Variants in PRLR observed in about 807,000 individuals in gnomAD.
PRLR encodes prolactin receptor, also known as hPRL receptor.
PRLR carries 13 observed loss-of-function variants against 40.2 expected under a neutral mutation model. The ratio of observed to expected loss-of-function variants is 0.32; its 90% CI spans 0.21 to 0.51. PRLR has a LOEUF of 0.51. PRLR is among the 20% of genes least tolerant of loss of function. PRLR has a pLI of 0.97. For missense variants in PRLR, 656 were observed against 747.3 expected, an observed-to-expected ratio of 0.88 and a Z score of 1.42; for synonymous variants, 269 against 278.7, an observed-to-expected ratio of 0.97 and a Z score of 0.35.
Position 35,065,443 on chromosome 5 carries a change from T to G in PRLR, c.1515A>C (p.Lys505Asn). Reference protein sequence around the residue: ...PQEKTPFGSAKPLDYVEIHKV... With the variant: ...PQEKTPFGSANPLDYVEIHKV... Reference sequence around the variant, plus strand: ...TGTGAATCTCCACATAATCCAAGGGTTTAGCGGAGCCAAAGGGGGTTTTCT... The same window carrying G: ...TGTGAATCTCCACATAATCCAAGGGGTTAGCGGAGCCAAAGGGGGTTTTCT... The change falls in exon 10 of 10, where the codon AAA becomes AAC. Residue 505 changes from lysine to asparagine, a missense_variant. By Grantham distance (94) the Lys-to-Asn change is moderately conservative. Coordinates refer to ENST00000618457, the MANE Select transcript of PRLR (RefSeq NM_000949.7). 6.2e-7 allele frequency: 1 copy of G among 1,613,948 alleles called. No individual in the cohort carries two copies.
At chr5:35,166,025 C>G (rs1774816135) in intron 1 of PRLR, among the ~76,000 whole-genome samples, 1 of 152,120 alleles carries the variant, frequency 6.6e-6, no homozygotes, top group African/African-American at 2.4e-5. Flanking sequence ...CTTAACTACA[C>G]ATAGGTCCAT....
intron 2 of PRLR, among the ~76,000 whole-genome samples, chr5:35,092,055 T>C (rs1030485516): frequency 2.0e-5 from 3 of 151,984 alleles, no homozygotes; most frequent in Admixed American, 1.3e-4. Context: ...GGAAGCAGAG[T>C]GGGTCAGGCA....
chr5:35,083,669 A>G (rs1770670931), intron 5 of PRLR, among the ~76,000 whole-genome samples: 1 of 151,222 alleles, frequency 6.6e-6, no homozygotes, highest in Non-Finnish European at 1.5e-5. Context: ...ACAGGCACGC[A>G]CCACCACAGC....
intron 1 of PRLR, among the ~76,000 whole-genome samples, chr5:35,124,948 G>A (rs937960749): frequency 3.9e-5 from 6 of 152,192 alleles, no homozygotes; most frequent in East Asian, 1.9e-4. Flanking sequence ...TTGTAACAGT[G>A]AAACACTCTG....
At position 35,060,925 on chromosome 5, in the gene PRLR, G is replaced by C. The variant is rs1769000487; in HGVS notation, c.*4164C>G. The C allele has an allele frequency of 6.6e-6, 1 of 152,168 alleles. No homozygotes were observed. The highest frequency in any genetic ancestry group is 1.5e-5 in the Non-Finnish European group (1 of 68,024). 9.4% of individuals were successfully genotyped at this position (152,168 alleles called of 1,614,324 possible). A position where few individuals can be genotyped will look rare whatever the true frequency, so the allele number is the denominator to read the frequency against. On this transcript the variant is annotated 3_prime_UTR_variant, in exon 10 of 10. Transcript: ENST00000618457. ...GAGAGTCTCAAATCACAGGGTGGCA[G>C]GTTTATCCCCAAATCACAGCCAGCC... is the stretch of plus-strand genomic sequence containing the variant.
intron 1 of PRLR, among the ~76,000 whole-genome samples, chr5:35,181,560 TTAA>T (rs1775298275): frequency 6.6e-6 from 1 of 152,210 alleles, no homozygotes; most frequent in Non-Finnish European, 1.5e-5. Context: ...CTTAATAGAC[TTAA>T]TAACACAATT....
intron 1 of PRLR, among the ~76,000 whole-genome samples, chr5:35,162,239 A>C (rs1217970854): frequency 6.6e-6 from 1 of 152,182 alleles, no homozygotes; most frequent in Admixed American, 6.5e-5. Context: ...AAATCTATCT[A>C]TCTTAGCATT....
chr5:35,148,964 T>C (rs1233496319), intron 1 of PRLR, among the ~76,000 whole-genome samples: 1 of 152,088 alleles, frequency 6.6e-6, no homozygotes, highest in Non-Finnish European at 1.5e-5. Context: ...AAAATACACA[T>C]TTACAGAATT....
chr5:35,099,431 C>T (rs372540927), intron 2 of PRLR, among the ~76,000 whole-genome samples: 4 of 152,216 alleles, frequency 2.6e-5, no homozygotes, highest in South Asian at 2.1e-4. Flanking sequence ...AAAAGTAGAG[C>T]GCATACAATT....
chr5:35,049,527 C>T (rs1768406316), intron 8 of PRLR: 5 of 604,908 alleles, frequency 8.3e-6, no homozygotes, highest in Non-Finnish European at 1.5e-5. Flanking sequence ...ATAATATGTA[C>T]TTCTGTTAAA....
exon 9 of PRLR, chr5:35,049,372 T>C (rs1178515770): frequency 2.8e-6 from 2 of 702,936 alleles, no homozygotes; most frequent in African/African-American, 1.7e-5. Context: ...AGATTTGAGA[T>C]TTTTGTAATG....
chr5:35,128,708 T>G (rs545304645), intron 1 of PRLR, among the ~76,000 whole-genome samples: 7 of 152,206 alleles, frequency 4.6e-5, no homozygotes, highest in Non-Finnish European at 1.0e-4. Flanking sequence ...TATTCTTTCA[T>G]GTTCAGCAGC....
At chr5:35,201,227 C>T (rs1339007330) in intron 1 of PRLR, among the ~76,000 whole-genome samples, 1 of 152,172 alleles carries the variant, frequency 6.6e-6, no homozygotes, top group Non-Finnish European at 1.5e-5. Flanking sequence ...TCCTCCCCCT[C>T]CCCCTTCACA....
rs1254425620 is a variant in PRLR at position 35,065,423 on chromosome 5, A to G, written c.1535T>C (p.Ile512Thr). The G allele has an allele frequency of 6.2e-7, 1 of 1,614,102 alleles. No individual in the cohort carries two copies. Among genetic ancestry groups the G allele is most frequent in the South Asian group, 1.1e-5 (1 of 91,086 alleles). ...GSAKPLDYVEIHKVNKDGALS... is the reference protein window; with the variant it reads ...GSAKPLDYVETHKVNKDGALS... ...TGCACCATCTTTGTTGACCTTGTGAATCTCCACATAATCCAAGGGTTTAGC... is the reference window on the plus strand; with the variant it reads ...TGCACCATCTTTGTTGACCTTGTGAGTCTCCACATAATCCAAGGGTTTAGC... Residue 512 changes from isoleucine (I) to threonine (T), a missense_variant, in exon 10 of 10, where the codon ATT becomes ACT. Coordinates refer to ENST00000618457, the MANE Select transcript of PRLR (RefSeq NM_000949.7).
chr5:35,081,040 ATGGGG>A (rs1463752531), intron 5 of PRLR, among the ~76,000 whole-genome samples: 1 of 89,632 alleles, frequency 1.1e-5, no homozygotes, highest in African/African-American at 4.6e-5. Flanking sequence ...GGGGCCTGTC[ATGGGG>A]TGGGGGGAGG....
At chr5:35,203,928 G>A (rs1775943671) in intron 1 of PRLR, among the ~76,000 whole-genome samples, 1 of 151,926 alleles carries the variant, frequency 6.6e-6, no homozygotes, top group African/African-American at 2.4e-5. Flanking sequence ...GAGAAAGTCG[G>A]ATTGATTTTT....
chr5:35,228,801 C>T (rs758475854), intron 1 of PRLR, among the ~76,000 whole-genome samples: 9 of 152,136 alleles, frequency 5.9e-5, no homozygotes, highest in Admixed American at 5.9e-4. Context: ...CCCAAGAAGG[C>T]TGTGGATTAC....
intron 1 of PRLR, among the ~76,000 whole-genome samples, chr5:35,226,171 G>T (rs984607714): frequency 1.3e-5 from 2 of 152,212 alleles, no homozygotes; most frequent in Admixed American, 6.5e-5. Flanking sequence ...AATACAAATC[G>T]TTGTCAGCAT....
intron 1 of PRLR, among the ~76,000 whole-genome samples, chr5:35,193,572 T>C (rs1775661006): frequency 6.6e-6 from 1 of 152,200 alleles, no homozygotes; most frequent in African/African-American, 2.4e-5. Context: ...AAATTCTGAC[T>C]GGCAGGTTCC....
Sources: gnomAD v4.1 joint callset for allele counts (sites outside exome capture counted in the v4.1 genomes callset) on GRCh38, gnomAD v4.1.1 for gene constraint, MANE v1.5 for transcripts, NCBI Gene and HGNC (gene_info 2026-07-23, HGNC 2026-07-21) for gene names.